Variants in LDLRAD4 observed in about 807,000 individuals in gnomAD.
LDLRAD4 encodes low-density lipoprotein receptor class A domain-containing protein 4.
Under a neutral mutation model 17.0 loss-of-function variants are expected in LDLRAD4, and 5 were observed. The ratio of observed to expected loss-of-function variants is 0.29; its 90% CI spans 0.15 to 0.62. The LOEUF (loss-of-function observed/expected upper bound fraction) is 0.62, where lower values mean the gene tolerates loss of function less well. LDLRAD4 is among the 20% of genes least tolerant of loss of function. The probability of loss-of-function intolerance (pLI) is 0.84; values close to 1 mark genes in which losing one functional copy is unlikely to be tolerated. For missense variants in LDLRAD4, 340 were observed against 424.7 expected (o/e 0.80, Z 1.75); for synonymous variants, 168 against 171.8 (o/e 0.98, Z 0.17).
intron 3 of LDLRAD4, among the ~76,000 whole-genome samples, chr18:13,463,645 T>A (rs1047046481): frequency 6.6e-6 from 1 of 152,162 alleles, no homozygotes; most frequent in Non-Finnish European, 1.5e-5. Flanking sequence ...TAATTCTGAG[T>A]AACTAACGGC....
intron 3 of LDLRAD4, 159 bp from the exon 5 acceptor site, chr18:13,620,958 C>A: frequency 9.5e-7 from 1 of 1,049,990 alleles, no homozygotes. Flanking sequence ...TGTCTCCTTC[C>A]CTAAAGTGGG....
In LDLRAD4 at chr18:13,643,423, C is replaced by G. The variant is rs556545699; in HGVS notation, c.390+11C>G. The G allele has an allele frequency of 4.9e-5, 47 of 963,880 alleles. No individual in the cohort carries two copies. The South Asian group carries it at 2.1e-3, about 42-fold the overall frequency. The allele number at this position is 963,880 out of a possible 1,614,324, so 59.7% of individuals were successfully genotyped here. A position where few individuals can be genotyped will look rare whatever the true frequency, so the allele number is the denominator to read the frequency against. On this transcript the variant is annotated intron_variant, in intron 5 of 5. Transcript: ENST00000359446. Reference sequence around the variant, plus strand: ...CTGGGCGCCTCGGAGGTAAGGGGCCCCAGGAGGTGATGGCTGCGGGGGGCG... The same window carrying G: ...CTGGGCGCCTCGGAGGTAAGGGGCCGCAGGAGGTGATGGCTGCGGGGGGCG...
intron 3 of LDLRAD4, among the ~76,000 whole-genome samples, chr18:13,483,365 G>A (rs937404716): frequency 6.6e-6 from 1 of 152,196 alleles, no homozygotes; most frequent in African/African-American, 2.4e-5. Flanking sequence ...CCATCTCCAA[G>A]TCTAGTCCTC....
intron 3 of LDLRAD4, 45 bp downstream of exon 4, chr18:13,438,429 T>A: frequency 6.4e-7 from 1 of 1,572,672 alleles, no homozygotes; most frequent in Non-Finnish European, 8.7e-7. Context: ...GATGTGGTTC[T>A]GAAACGGTTA....
At chr18:13,524,358 A>T (rs977114008) in intron 3 of LDLRAD4, among the ~76,000 whole-genome samples, 5 of 152,224 alleles carry the variant, frequency 3.3e-5, no homozygotes, top group African/African-American at 1.2e-4. Flanking sequence ...ACACCTGTTT[A>T]ATTTTTTCTA....
At chr18:13,284,724 G>A (rs2045510531) in intron 1 of LDLRAD4, among the ~76,000 whole-genome samples, 1 of 152,134 alleles carries the variant, frequency 6.6e-6, no homozygotes, top group Non-Finnish European at 1.5e-5. Context: ...CGGTTTGGGG[G>A]GCAGTGCACC....
At chr18:13,275,847 G>A (rs944251816), upstream of LDLRAD4, among the ~76,000 whole-genome samples, 1 of 152,194 alleles carries the variant, frequency 6.6e-6, no homozygotes, top group Non-Finnish European at 1.5e-5. Flanking sequence ...CGGGGATGTG[G>A]TTTTTGCCCA....
At chr18:13,445,263 G>A (rs1285008347) in intron 3 of LDLRAD4, among the ~76,000 whole-genome samples, 1 of 152,148 alleles carries the variant, frequency 6.6e-6, no homozygotes, top group Admixed American at 6.5e-5. Flanking sequence ...GTGTATGCAT[G>A]AGATGTGAGT....
At chr18:13,311,997 A>G (rs956782639) in intron 1 of LDLRAD4, among the ~76,000 whole-genome samples, 9 of 151,660 alleles carry the variant, frequency 5.9e-5, no homozygotes, top group Admixed American at 5.9e-4. Context: ...ACACCCGGCT[A>G]TTTTTTCTTT....
intron 1 of LDLRAD4, among the ~76,000 whole-genome samples, chr18:13,380,776 C>T (rs2085297338): frequency 6.6e-6 from 1 of 152,126 alleles, no homozygotes; most frequent in African/African-American, 2.4e-5. Flanking sequence ...TACTTGCTTC[C>T]TGAATTGGTG....
chr18:13,516,997 A>G (rs1601020599), intron 3 of LDLRAD4, among the ~76,000 whole-genome samples: 1 of 152,144 alleles, frequency 6.6e-6, no homozygotes, highest in East Asian at 1.9e-4. Context: ...CTACAGGCAC[A>G]TGCTGCCACA....
upstream of LDLRAD4, among the ~76,000 whole-genome samples, chr18:13,275,928 C>T (rs1048480626): frequency 2.6e-5 from 4 of 152,072 alleles, no homozygotes; most frequent in African/African-American, 9.7e-5. Context: ...GAGGCCTGCT[C>T]TAATGTACAG....
At chr18:13,560,202 C>T (rs148411644) in intron 3 of LDLRAD4, among the ~76,000 whole-genome samples, 148 of 152,270 alleles carry the variant, frequency 9.7e-4, no homozygotes, top group African/African-American at 3.3e-3. Flanking sequence ...GAGGGTGTCC[C>T]CCTGCTTTTG....
intron 3 of LDLRAD4, chr18:13,521,237 C>G (rs1041981520): frequency 2.0e-5 from 3 of 152,220 alleles, no homozygotes; most frequent in African/African-American, 7.2e-5. Context: ...CTATGAGGAC[C>G]TGAACACTTG....
At chr18:13,239,715 G>A (rs2042530819) in intron 1 of LDLRAD4, 1 of 152,282 alleles carries the variant, frequency 6.6e-6, no homozygotes, top group Non-Finnish European at 1.5e-5. Context: ...GGGACCAGAC[G>A]CAGATGCCCT....
chr18:13,503,064 C>T (rs1056291002), intron 3 of LDLRAD4, among the ~76,000 whole-genome samples: 1 of 152,198 alleles, frequency 6.6e-6, no homozygotes, highest in Non-Finnish European at 1.5e-5. Context: ...TTCCAAGTTT[C>T]GACTGCATGA....
intron 1 of LDLRAD4, among the ~76,000 whole-genome samples, chr18:13,303,865 A>G (rs12458323): frequency 0.16 from 25,050 of 152,130 alleles, 2,266 homozygotes; most frequent in African/African-American, 0.23. Flanking sequence ...GGCTAAGGAG[A>G]TCCTAGCTGC....
chr18:13,301,675 G>C (rs972523119), intron 1 of LDLRAD4, among the ~76,000 whole-genome samples: 1 of 152,200 alleles, frequency 6.6e-6, no homozygotes, highest in Non-Finnish European at 1.5e-5. Flanking sequence ...CTCCTTAATG[G>C]ATTGTAAGTT....
At chr18:13,392,215 G>C (rs144085526) in intron 2 of LDLRAD4, among the ~76,000 whole-genome samples, 2 of 152,218 alleles carry the variant, frequency 1.3e-5, no homozygotes, top group Non-Finnish European at 2.9e-5. Context: ...TGTCCTCCAC[G>C]GTTCAGCTGT....
Sources: allele counts gnomAD v4.1 joint callset (sites outside exome capture counted in the v4.1 genomes callset), GRCh38; gene constraint gnomAD v4.1.1; transcripts MANE v1.5; gene names NCBI Gene and HGNC (gene_info 2026-07-23, HGNC 2026-07-21).